The following NXPH2 variants were observed in gnomAD, a reference collection of about 807,000 sequenced individuals.
The protein encoded by NXPH2 is neurexophilin-2.
In NXPH2, 5 loss-of-function variants were observed where a neutral mutation model predicts 19.8. The ratio of observed to expected loss-of-function variants is 0.25; its 90% CI spans 0.13 to 0.53. NXPH2 has a LOEUF of 0.53. Ranked by LOEUF, NXPH2 falls within the 20% of genes least tolerant of loss-of-function variation. The pLI is 0.96. For synonymous variants in NXPH2, 154 were observed against 127.4 expected (o/e 1.21, Z -1.41); for missense variants, 289 against 322.8 (o/e 0.90, Z 0.80).
chr2:138,758,541 A>T (rs1450785086), intron 1 of NXPH2, among the ~76,000 whole-genome samples: 2 of 152,108 alleles, frequency 1.3e-5, no homozygotes, highest in Non-Finnish European at 1.5e-5. Flanking sequence ...CACTCACAAT[A>T]GTGTTTCTCT....
chr2:138,760,928 C>T (rs757007647), intron 1 of NXPH2, among the ~76,000 whole-genome samples: 3 of 152,122 alleles, frequency 2.0e-5, no homozygotes, highest in Non-Finnish European at 4.4e-5. Flanking sequence ...AGAAAGTGAG[C>T]TCAGAGGAAA....
At chr2:138,775,684 C>G (rs556293247) in intron 1 of NXPH2, among the ~76,000 whole-genome samples, 1 of 152,132 alleles carries the variant, frequency 6.6e-6, no homozygotes, top group African/African-American at 2.4e-5. Context: ...TAGGATTGTG[C>G]CTGCTAATTT....
intron 1 of NXPH2, among the ~76,000 whole-genome samples, chr2:138,726,329 G>A (rs986798663): frequency 2.0e-5 from 3 of 152,162 alleles, no homozygotes; most frequent in Non-Finnish European, 4.4e-5. Context: ...ACAGGCGTGA[G>A]CCACCAGGTC....
At chr2:138,767,199 T>C (rs544544972) in intron 1 of NXPH2, among the ~76,000 whole-genome samples, 20 of 152,258 alleles carry the variant, frequency 1.3e-4, no homozygotes, top group Non-Finnish European at 1.5e-4. Context: ...ATAGCACTTA[T>C]GAAGCTGATA....
chr2:138,762,956 G>A (rs1223602684), intron 1 of NXPH2, among the ~76,000 whole-genome samples: 1 of 152,202 alleles, frequency 6.6e-6, no homozygotes, highest in South Asian at 2.1e-4. Flanking sequence ...TTCATATACA[G>A]GAGAGCGTAT....
chr2:138,776,063 T>A (rs1349757905), intron 1 of NXPH2, among the ~76,000 whole-genome samples: 1 of 152,120 alleles, frequency 6.6e-6, no homozygotes, highest in Admixed American at 6.5e-5. Context: ...ATCACAAACC[T>A]GTGACACATT....
intron 1 of NXPH2, among the ~76,000 whole-genome samples, chr2:138,706,504 C>A (rs1681011767): frequency 2.0e-5 from 3 of 152,144 alleles, no homozygotes; most frequent in Non-Finnish European, 4.4e-5. Context: ...TGTGAGACAG[C>A]TGTTTGTCCC....
At chr2:138,750,664 T>G (rs1353097070) in intron 1 of NXPH2, among the ~76,000 whole-genome samples, 1 of 152,200 alleles carries the variant, frequency 6.6e-6, no homozygotes, top group Non-Finnish European at 1.5e-5. Context: ...ATGAAGGTCT[T>G]GCAGATAAGT....
intron 1 of NXPH2, among the ~76,000 whole-genome samples, chr2:138,708,283 G>A (rs1681047269): frequency 6.6e-6 from 1 of 152,106 alleles, no homozygotes; most frequent in South Asian, 2.1e-4. Context: ...TATCTCCCCG[G>A]CCATGAACTT....
chr2:138,728,207 C>T (rs948576631), intron 1 of NXPH2, among the ~76,000 whole-genome samples: 11 of 152,152 alleles, frequency 7.2e-5, no homozygotes, highest in Non-Finnish European at 1.6e-4. Context: ...CTGTCTCTCT[C>T]TTTGAGCATG....
intron 1 of NXPH2, among the ~76,000 whole-genome samples, chr2:138,697,658 C>A (rs965457111): frequency 1.3e-5 from 2 of 151,622 alleles, no homozygotes; most frequent in African/African-American, 4.8e-5. Flanking sequence ...TTATTTTCTT[C>A]TTTGTACTTA....
At chr2:138,690,228 A>C (rs936693049) in intron 1 of NXPH2, among the ~76,000 whole-genome samples, 1 of 152,058 alleles carries the variant, frequency 6.6e-6, no homozygotes, top group African/African-American at 2.4e-5. Context: ...TTCACTCTTG[A>C]ATTCATCACT....
intron 1 of NXPH2, among the ~76,000 whole-genome samples, chr2:138,728,076 A>T (rs1681385718): frequency 6.6e-6 from 1 of 152,006 alleles, no homozygotes; most frequent in Non-Finnish European, 1.5e-5. Context: ...CTTCAATGTG[A>T]CTGTGTTTGA....
intron 1 of NXPH2, among the ~76,000 whole-genome samples, chr2:138,756,500 T>A (rs1322011308): frequency 6.6e-6 from 1 of 152,122 alleles, no homozygotes; most frequent in Non-Finnish European, 1.5e-5. Context: ...TCATGCTAAT[T>A]TCCCCAGCTA....
chr2:138,709,770 A>G (rs1681068983), intron 1 of NXPH2, among the ~76,000 whole-genome samples: 1 of 152,102 alleles, frequency 6.6e-6, no homozygotes, highest in Non-Finnish European at 1.5e-5. Flanking sequence ...AGTAAGTACT[A>G]TTTTCAGATC....
At chr2:138,777,204 T>C (rs1220891257) in intron 1 of NXPH2, among the ~76,000 whole-genome samples, 1 of 152,130 alleles carries the variant, frequency 6.6e-6, no homozygotes, top group African/African-American at 2.4e-5. Flanking sequence ...CCTTGTATCA[T>C]GATGAAGCAA....
In NXPH2 at chr2:138,670,783, T is replaced by C. The variant is rs569156453; in HGVS notation, c.*139A>G. The C allele has an allele frequency of 1.9e-4, 168 of 898,460 alleles. 1 individual carries two copies. In the African/African-American group the frequency reaches 2.6e-3, roughly 14 times the overall value. 55.7% of individuals were successfully genotyped at this position (898,460 alleles called of 1,614,324 possible). On this transcript the variant is annotated 3_prime_UTR_variant, in exon 2 of 2. Transcript: ENST00000272641. ...CTTAAAGATGTCTCTTTTTCTTTTT[T>C]TAAATTTGAAAACCTGATAGGGAAC...
Position 138,670,847 on chromosome 2 carries a change from T to A in NXPH2, c.*75A>T. ...CAGAAACAAAAGGGATCCTTTATCA[T>A]AAAGAGCTGGGCTTGTTTCTTTGTC... On this transcript the variant is annotated 3_prime_UTR_variant, in exon 2 of 2. Transcript: ENST00000272641. 6.8e-7 allele frequency: 1 copy of A among 1,465,792 alleles called. No homozygotes were observed. The allele number at this position is 1,465,792 out of a possible 1,614,324, so 90.8% of individuals were successfully genotyped here.
At chr2:138,688,613 A>G (rs1372470436) in intron 1 of NXPH2, among the ~76,000 whole-genome samples, 4 of 152,222 alleles carry the variant, frequency 2.6e-5, no homozygotes, top group African/African-American at 9.6e-5. Context: ...AGATACCAGT[A>G]CCATTTATTA....
Sources: allele counts gnomAD v4.1 joint callset (sites outside exome capture counted in the v4.1 genomes callset), GRCh38; gene constraint gnomAD v4.1.1; transcripts MANE v1.5; gene names NCBI Gene and HGNC (gene_info 2026-07-23, HGNC 2026-07-21).